Variants in CDHR1 observed in about 807,000 individuals in gnomAD.
The protein encoded by CDHR1 is cadherin related family member 1, also known as cadherin-related family member 1.
In CDHR1, 61 loss-of-function variants were observed where a neutral mutation model predicts 72.1. The observed-to-expected ratio is 0.85, with a 90% CI of 0.69 to 1.05. The LOEUF (loss-of-function observed/expected upper bound fraction) is 1.05. Ranked by LOEUF, CDHR1 falls within the 50% of genes least tolerant of loss-of-function variation. The probability of loss-of-function intolerance (pLI) is 0.00; values close to 1 mark genes in which losing one functional copy is unlikely to be tolerated. For missense variants in CDHR1, 1,186 were observed against 1,115.7 expected (o/e 1.06, Z -0.90); for synonymous variants, 470 against 448.1 (o/e 1.05, Z -0.62).
At chr10:84,199,250 C>T in intron 5 of CDHR1, 129 bp downstream of exon 5, 1 of 743,884 alleles carries the variant, frequency 1.3e-6, no homozygotes, top group Non-Finnish European at 2.4e-6. Context: ...CTGCTCCCTC[C>T]AACATTCGCT....
In CDHR1 at chr10:84,213,731, C is replaced by T. The variant is rs141236847; in HGVS notation, c.2041-351C>T. Among the ~76,000 whole-genome samples the T allele has an allele frequency of 1.4e-4, 21 of 151,996 alleles. No individual in the cohort carries two copies. In the East Asian group the frequency reaches 2.9e-3, roughly 21 times the overall value. ...GCAGATGGACCCCCTCCCCCACTTG[C>T]CACAATCAAAGGCAAGTGATCTCCT... On this transcript the variant is annotated intron_variant, in intron 16 of 16. Coordinates refer to ENST00000623527, the MANE Select transcript of CDHR1 (RefSeq NM_033100.4).
At chr10:84,202,886 G>GC in intron 7 of CDHR1, 94 bp from the exon 8 acceptor site, 1 of 1,421,464 alleles carries the variant, frequency 7.0e-7, no homozygotes, top group Non-Finnish European at 9.9e-7. Context: ...TGGCCTCACA[G>GC]CCATAGGTGG....
Position 84,208,261 on chromosome 10 carries a change from C to T in CDHR1, c.1051C>T (p.Pro351Ser), listed in dbSNP as rs1336190499. Residue 351 changes from proline to serine, a missense_variant, in exon 11 of 17, where the codon CCA (proline) becomes TCA (serine). Physicochemically the swap from Pro to Ser is moderately conservative, Grantham distance 74. Coordinates refer to ENST00000623527, the MANE Select transcript of CDHR1 (RefSeq NM_033100.4). Reference protein sequence around the residue: ...IRIVDLNNHPPTFYGESGPQN... With the variant: ...IRIVDLNNHPSTFYGESGPQN... The stretch of plus-strand genomic sequence containing the variant: ...GATTGTGGACCTCAACAACCACCCG[C>T]CAACATTCTATGGAGAGAGCGGACC... The T allele has an allele frequency of 1.9e-6, 3 of 1,614,164 alleles. No homozygotes were observed. In the South Asian group the frequency reaches 3.3e-5, roughly 18 times the overall value.
In CDHR1 at chr10:84,214,075, C is replaced by T. The variant is rs772606429; in HGVS notation, c.2041-7C>T. The T allele has an allele frequency of 9.3e-6, 15 of 1,614,074 alleles. No individual in the cohort carries two copies. Among genetic ancestry groups the T allele is most frequent in the Admixed American group, 1.7e-5 (1 of 60,010 alleles). ...AGCTGAGTGCAGGGAGTGGCTTTCT[C>T]TTTCAGACCCTCTCCCGGAGCCCCA... is the stretch of plus-strand genomic sequence containing the variant. On this transcript the variant is annotated splice_region_variant and splice_polypyrimidine_tract_variant and intron_variant, in intron 16 of 16. Transcript: ENST00000623527.
rs1355217402 is a variant in CDHR1 at position 84,215,671 on chromosome 10, C to A, written c.*1050C>A. 3 of 984,478 alleles carry A rather than the reference C, an allele frequency of 3.0e-6. No homozygotes were observed. In the Admixed American group the frequency reaches 1.8e-4, roughly 61 times the overall value. 61.0% of individuals were successfully genotyped at this position (984,478 alleles called of 1,614,324 possible). On this transcript the variant is annotated 3_prime_UTR_variant, in exon 17 of 17. Coordinates refer to ENST00000623527, the MANE Select transcript of CDHR1 (RefSeq NM_033100.4). The stretch of plus-strand genomic sequence containing the variant: ...TGGTGATGAGGGCTTTAACCAAGTG[C>A]AAAGCGGCATGAATGCAAAGTATTT...
chr10:84,195,463 G>T (rs1431753685), intron 1 of CDHR1, 31 bp from the exon 2 acceptor site: 5 of 1,594,364 alleles, frequency 3.1e-6, no homozygotes, highest in South Asian at 1.1e-5. Flanking sequence ...CCTTTGCCTG[G>T]GTGTCCGTCT....
At chr10:84,203,480 T>A (rs977570299) in intron 8 of CDHR1, among the ~76,000 whole-genome samples, 1 of 152,146 alleles carries the variant, frequency 6.6e-6, no homozygotes. Context: ...AATGGTGCGA[T>A]CTGGGCTCAC....
intron 10 of CDHR1, among the ~76,000 whole-genome samples, chr10:84,206,507 G>T (rs1278928680): frequency 2.0e-5 from 3 of 152,150 alleles, no homozygotes; most frequent in Non-Finnish European, 4.4e-5. Flanking sequence ...TTCACCAAGG[G>T]ATCCCATATT....
Position 84,205,882 on chromosome 10 carries a change from G to T in CDHR1, c.918G>T (p.Gln306His), listed in dbSNP as rs1178365631. The T allele has an allele frequency of 1.9e-6, 3 of 1,614,126 alleles. No homozygotes were observed. In the South Asian group the frequency reaches 3.3e-5, roughly 18 times the overall value. The change falls in exon 10 of 17, where the codon CAG becomes CAT. Residue 306 changes from glutamine (Q) to histidine (H), a missense_variant. Gln to His is a conservative substitution (Grantham distance 24). Coordinates refer to ENST00000623527, the MANE Select transcript of CDHR1 (RefSeq NM_033100.4). ...CATCTGGAGCCATCTCCATCACTCAGAGCCCGGCCCAGCTCCAGAGAGAGG... is the reference window on the plus strand; with the variant it reads ...CATCTGGAGCCATCTCCATCACTCATAGCCCGGCCCAGCTCCAGAGAGAGG... ...NETSGAISITQSPAQLQREVY... is the reference protein window; with the variant it reads ...NETSGAISITHSPAQLQREVY...
chr10:84,208,795 A>G lies in CDHR1; in HGVS notation c.1234A>G (p.Thr412Ala), dbSNP rs777381825. Residue 412 changes from threonine (T) to alanine (A), a missense_variant, in exon 12 of 17, where the codon ACA (threonine) becomes GCA (alanine). Coordinates refer to ENST00000623527, the MANE Select transcript of CDHR1 (RefSeq NM_033100.4). ...PRGIFRVVPQTVLNEAQVTII... is the reference protein window; with the variant it reads ...PRGIFRVVPQAVLNEAQVTII... ...GGGCATCTTCCGAGTGGTTCCACAG[A>G]CAGTCCTGAATGAAGCCCAAGTCAC... 2 of 1,614,222 alleles carry G rather than the reference A, an allele frequency of 1.2e-6. No individual in the cohort carries two copies. The highest frequency in any genetic ancestry group is 2.2e-5 in the East Asian group (1 of 44,892).
chr10:84,211,782 G>T, intron 14 of CDHR1, 67 bp downstream of exon 14: 5 of 1,388,506 alleles, frequency 3.6e-6, no homozygotes, highest in South Asian at 1.2e-5. Flanking sequence ...GGTGGAGGAG[G>T]TCTGTGGCAG....
downstream of CDHR1, chr10:84,219,053 T>C (rs4562752): frequency 1.2e-6 from 1 of 807,700 alleles, no homozygotes; most frequent in Non-Finnish European, 2.0e-6. Context: ...AGAACACTAA[T>C]GTACTATTAT....
Position 84,208,086 on chromosome 10 carries a change from G to A in CDHR1, c.964-88G>A, listed in dbSNP as rs1302680501. 3 of 1,177,114 alleles carry A rather than the reference G, an allele frequency of 2.5e-6. No homozygotes were observed. In the African/African-American group the frequency reaches 4.5e-5, roughly 18 times the overall value. The allele number at this position is 1,177,114 out of a possible 1,614,324, so 72.9% of individuals were successfully genotyped here. On this transcript the variant is annotated intron_variant, in intron 10 of 16. Coordinates refer to ENST00000623527, the MANE Select transcript of CDHR1 (RefSeq NM_033100.4). Reference sequence around the variant, plus strand: ...AAGCCAGGACACACTCAAACGGAGGGGATTATACATTCTGCAGGGGAGGTA... The same window carrying A: ...AAGCCAGGACACACTCAAACGGAGGAGATTATACATTCTGCAGGGGAGGTA...
chr10:84,196,589 G>A lies in CDHR1; in HGVS notation c.236G>A (p.Ser79Asn), dbSNP rs376895118. Residue 79 changes from serine to asparagine, a missense_variant, in exon 3 of 17, where the codon AGC becomes AAC. Coordinates refer to ENST00000623527, the MANE Select transcript of CDHR1 (RefSeq NM_033100.4). ...ATCAGCTTTGACCCCAGCACTAGAAGCGTCTTTTCTGTTGACCCCACTTTT... is the reference window on the plus strand; with the variant it reads ...ATCAGCTTTGACCCCAGCACTAGAAACGTCTTTTCTGTTGACCCCACTTTT... ...YHISFDPSTR[S>N]VFSVDPTFGN... 10 of 1,614,226 alleles carry A rather than the reference G, an allele frequency of 6.2e-6. No individual in the cohort carries two copies. The highest frequency in any genetic ancestry group is 1.7e-5 in the Admixed American group (1 of 60,022).
At chr10:84,207,888 T>A (rs141131319) in intron 10 of CDHR1, among the ~76,000 whole-genome samples, 46 of 152,324 alleles carry the variant, frequency 3.0e-4, no homozygotes, top group African/African-American at 1.0e-3. Flanking sequence ...TTCAGCTCCT[T>A]GCTGGCTGTT....
intron 15 of CDHR1, chr10:84,212,751 C>A: frequency 1.9e-6 from 1 of 523,176 alleles, no homozygotes; most frequent in East Asian, 3.5e-5. Context: ...ACCCAGCAGA[C>A]TTGACTTTGA....
chr10:84,204,990 A>G (rs1842198692), intron 9 of CDHR1, among the ~76,000 whole-genome samples: 1 of 152,220 alleles, frequency 6.6e-6, no homozygotes, highest in African/African-American at 2.4e-5. Flanking sequence ...AAATGAATCA[A>G]ATGCATTGGT....
intron 9 of CDHR1, 61 bp from the exon 10 acceptor site, chr10:84,205,766 C>A (rs772909472): frequency 4.4e-6 from 5 of 1,146,852 alleles, no homozygotes; most frequent in Non-Finnish European, 6.6e-6. Flanking sequence ...TCCTGTGGCA[C>A]GACTCCCCTG....
intron 3 of CDHR1, among the ~76,000 whole-genome samples, chr10:84,197,181 G>A (rs1446105029): frequency 7.9e-5 from 12 of 152,138 alleles, no homozygotes; most frequent in African/African-American, 2.4e-5. Flanking sequence ...CTGCCAGCTC[G>A]TGACAGCCTC....
Sources: gnomAD v4.1 joint callset for allele counts (sites outside exome capture counted in the v4.1 genomes callset) on GRCh38, gnomAD v4.1.1 for gene constraint, MANE v1.5 for transcripts, NCBI Gene and HGNC (gene_info 2026-07-23, HGNC 2026-07-21) for gene names.